Variants in CLEC16A observed in about 807,000 individuals in gnomAD.
CLEC16A encodes C-type lectin domain containing 16A.
In CLEC16A, 51 loss-of-function variants were observed where a neutral mutation model predicts 109.5. The observed-to-expected ratio is 0.47, with a 90% CI of 0.37 to 0.59. CLEC16A has a LOEUF of 0.59. Among genes scored for constraint, CLEC16A ranks in the 20% least tolerant of loss-of-function variants. The pLI, the probability that CLEC16A is intolerant of heterozygous loss-of-function variation, is 0.00. For missense variants in CLEC16A, 1,339 were observed against 1,394.0 expected (o/e 0.96, Z 0.63); for synonymous variants, 673 against 564.2 (o/e 1.19, Z -2.73).
chr16:10,946,023 C>CCTG, intron 1 of CLEC16A, among the ~76,000 whole-genome samples: 1 of 151,820 alleles, frequency 6.6e-6, no homozygotes, highest in East Asian at 1.9e-4. Context: ...GCATGCAGGC[C>CCTG]AGGACCCAGG....
At chr16:11,040,060 T>C (rs1013120811) in intron 14 of CLEC16A, 184 bp downstream of exon 14, 20 of 655,104 alleles carry the variant, frequency 3.1e-5, no homozygotes, top group Non-Finnish European at 4.6e-5. Context: ...GGACTGTGTC[T>C]TAGCTCTGGG....
intron 9 of CLEC16A, among the ~76,000 whole-genome samples, chr16:10,982,576 G>A (rs1001984792): frequency 9.9e-5 from 15 of 152,236 alleles, no homozygotes; most frequent in African/African-American, 3.4e-4. Flanking sequence ...GTTCTTTCCC[G>A]CATTGCTCCA....
intron 22 of CLEC16A, among the ~76,000 whole-genome samples, chr16:11,145,108 A>T (rs1024321975): frequency 3.3e-5 from 5 of 152,160 alleles, no homozygotes; most frequent in South Asian, 2.1e-4. Flanking sequence ...AGGGGTCAGC[A>T]GGAGATAAAG....
intron 13 of CLEC16A, among the ~76,000 whole-genome samples, chr16:11,034,294 A>C (rs767677966): frequency 6.6e-5 from 10 of 152,198 alleles, no homozygotes; most frequent in Non-Finnish European, 1.3e-4. Context: ...TACTTGTGTG[A>C]CTGCAGCCAA....
intron 2 of CLEC16A, among the ~76,000 whole-genome samples, chr16:10,960,770 T>G (rs1370707580): frequency 5.3e-5 from 8 of 152,234 alleles, no homozygotes; most frequent in African/African-American, 1.9e-4. Context: ...TTTGCTTATA[T>G]TAATATGGAC....
At position 10,979,089 on chromosome 16, in the gene CLEC16A, C is replaced by T. The variant is rs539803812; in HGVS notation, c.904-240C>T. The stretch of plus-strand genomic sequence containing the variant: ...AAGTTCTCGTGGGTCAGCCTCTCAT[C>T]CGTGAGTAATGGTGAAAGGTTTCTC... On this transcript the variant is annotated intron_variant, in intron 8 of 23. Coordinates refer to ENST00000409790, the MANE Select transcript of CLEC16A (RefSeq NM_015226.3). Among the ~76,000 whole-genome samples, 3 of 152,224 alleles carry T rather than the reference C, an allele frequency of 2.0e-5. No homozygotes were observed. In the South Asian group the frequency reaches 6.3e-4, roughly 32 times the overall value.
chr16:10,951,245 T>C lies in CLEC16A; in HGVS notation c.80+6448T>C, dbSNP rs933931616. On this transcript the variant is annotated intron_variant, in intron 1 of 23. Coordinates refer to ENST00000409790, the MANE Select transcript of CLEC16A (RefSeq NM_015226.3). The stretch of plus-strand genomic sequence containing the variant: ...TTAGCTAACAGGCAAAGCTCGGATA[T>C]TGAGACTGCATCTGCAGAGCTCCTG... Among the ~76,000 whole-genome samples the C allele has an allele frequency of 5.3e-5, 8 of 152,322 alleles. No individual in the cohort carries two copies. In the East Asian group the frequency reaches 1.2e-3, roughly 22 times the overall value.
At chr16:11,044,241 A>G (rs2047509461) in intron 16 of CLEC16A, 169 bp downstream of exon 16, 1 of 487,946 alleles carries the variant, frequency 2.0e-6, no homozygotes, top group Non-Finnish European at 3.3e-6. Flanking sequence ...CAATATCTAA[A>G]CTTTTCTGTC....
chr16:11,080,759 T>G (rs2049661521), intron 19 of CLEC16A, among the ~76,000 whole-genome samples: 1 of 152,232 alleles, frequency 6.6e-6, no homozygotes, highest in African/African-American at 2.4e-5. Flanking sequence ...AGTGGCAGGA[T>G]GAGTCCTTCT....
chr16:11,113,021 C>G (rs1323134967), intron 19 of CLEC16A, among the ~76,000 whole-genome samples: 1 of 152,356 alleles, frequency 6.6e-6, no homozygotes, highest in East Asian at 1.9e-4. Flanking sequence ...CCAGTAGGCA[C>G]CAGACTGTGC....
intron 22 of CLEC16A, among the ~76,000 whole-genome samples, chr16:11,132,678 C>T (rs2053294655): frequency 6.6e-6 from 1 of 152,188 alleles, no homozygotes; most frequent in South Asian, 2.1e-4. Context: ...CTGAAATTGC[C>T]TCTTGTATTC....
chr16:11,032,332 G>C (rs571050604), intron 13 of CLEC16A, among the ~76,000 whole-genome samples: 1 of 152,332 alleles, frequency 6.6e-6, no homozygotes, highest in Admixed American at 6.5e-5. Flanking sequence ...GTGTGGGGCT[G>C]CTGGGGGGCA....
At chr16:11,066,011 G>T (rs571257311) in intron 19 of CLEC16A, among the ~76,000 whole-genome samples, 152 of 152,312 alleles carry the variant, frequency 1.0e-3, no homozygotes, top group African/African-American at 3.5e-3. Flanking sequence ...CTGCACTGGG[G>T]GCTAGAAAGG....
intron 22 of CLEC16A, among the ~76,000 whole-genome samples, chr16:11,147,293 C>T (rs905207011): frequency 6.6e-6 from 1 of 152,210 alleles, no homozygotes; most frequent in African/African-American, 2.4e-5. Flanking sequence ...ATATTCAGCC[C>T]AGCATGCCCT....
At chr16:11,017,294 C>T (rs1239096141) in intron 11 of CLEC16A, among the ~76,000 whole-genome samples, 1 of 152,090 alleles carries the variant, frequency 6.6e-6, no homozygotes, top group Admixed American at 6.6e-5. Flanking sequence ...CTGGATTAGA[C>T]AGTGGAGAAC....
chr16:11,024,878 C>T lies in CLEC16A; in HGVS notation c.1494C>T (p.Ala498=), dbSNP rs1218134015. Residue 498 remains alanine, a synonymous_variant, in exon 13 of 24, where the codon GCC becomes GCT. Transcript: ENST00000409790. The part of the protein sequence containing the change: ...ALDSPDDDYH[A]LFVLCLLYAM... ...ACAGCCCGGATGATGATTACCATGCCCTGTTCGTGCTCTGCCTCCTCTATG... is the reference window on the plus strand; with the variant it reads ...ACAGCCCGGATGATGATTACCATGCTCTGTTCGTGCTCTGCCTCCTCTATG... 6.2e-7 allele frequency: 1 copy of T among 1,610,054 alleles called. No individual in the cohort carries two copies. The highest frequency in any genetic ancestry group is 1.3e-5 in the African/African-American group (1 of 74,828).
intron 16 of CLEC16A, among the ~76,000 whole-genome samples, chr16:11,045,647 G>A (rs1360453112): frequency 6.6e-6 from 1 of 152,150 alleles, no homozygotes; most frequent in Non-Finnish European, 1.5e-5. Context: ...TAATCCATAG[G>A]TCAAGTAGTC....
intron 11 of CLEC16A, among the ~76,000 whole-genome samples, chr16:11,007,013 G>A (rs1041397083): frequency 3.3e-5 from 5 of 152,156 alleles, no homozygotes; most frequent in African/African-American, 9.7e-5. Context: ...CCTAGGGTAC[G>A]TGCTTGTTTT....
At chr16:11,051,809 G>A (rs927716104) in intron 18 of CLEC16A, among the ~76,000 whole-genome samples, 168 bp downstream of exon 18, 1 of 152,260 alleles carries the variant, frequency 6.6e-6, no homozygotes, top group Non-Finnish European at 1.5e-5. Flanking sequence ...TCCAAGGCAT[G>A]TTTTTACCCT....
Sources: allele counts gnomAD v4.1 joint callset (sites outside exome capture counted in the v4.1 genomes callset), GRCh38; gene constraint gnomAD v4.1.1; transcripts MANE v1.5; gene names NCBI Gene and HGNC (gene_info 2026-07-23, HGNC 2026-07-21).